NBPF3: variants seen among roughly 807,000 people sequenced by gnomAD.
NBPF3 encodes the protein NBPF member 3, also known as NBPF family member NBPF3.
A neutral mutation model predicts 78.1 loss-of-function variants in NBPF3; 57 were observed. The ratio of observed to expected loss-of-function variants is 0.73; its 90% confidence interval spans 0.59 to 0.91. The LOEUF (loss-of-function observed/expected upper bound fraction) is 0.91. NBPF3 is among the 40% of genes least tolerant of loss of function. NBPF3 has a pLI of 0.00. For missense variants in NBPF3, 510 were observed against 715.3 expected, an observed-to-expected ratio of 0.71 and a Z score of 3.27; for synonymous variants, 182 against 271.7, an observed-to-expected ratio of 0.67 and a Z score of 3.25.
intron 2 of NBPF3, among the ~76,000 whole-genome samples, chr1:21,459,084 TAAAG>T (rs1419962235): frequency 2.0e-5 from 3 of 152,198 alleles, no homozygotes; most frequent in African/African-American, 4.8e-5. Flanking sequence ...TGAGAAAAAT[TAAAG>T]AAGACTAAAT....
At chr1:21,479,292 T>A (rs1643050916) in intron 9 of NBPF3, 57 bp from the exon 10 acceptor site, 7 of 1,554,934 alleles carry the variant, frequency 4.5e-6, no homozygotes, top group Non-Finnish European at 8.8e-7. Context: ...GAGGAATGTT[T>A]CCGTGTGCAA....
Position 21,473,468 on chromosome 1 carries a change from G to A in NBPF3, c.823G>A (p.Glu275Lys), listed in dbSNP as rs1333456741. 6.2e-7 allele frequency: 1 copy of A among 1,614,170 alleles called. No homozygotes were observed. Among genetic ancestry groups the A allele is most frequent in the Non-Finnish European group, 8.5e-7 (1 of 1,180,040 alleles). Residue 275 changes from glutamate (E) to lysine (K), a missense_variant, in exon 7 of 15, where the codon GAG becomes AAG. By Grantham distance (56) the Glu-to-Lys change is moderately conservative. This residue lies in a region of NBPF3 where 440 missense variants were observed against 478.2 expected (regional missense o/e 0.92). Coordinates refer to ENST00000318249, the MANE Select transcript of NBPF3 (RefSeq NM_032264.6). ...ITCSNSHHPCESNQPYGNTRI... is the reference protein window; with the variant it reads ...ITCSNSHHPCKSNQPYGNTRI... ...TTGTTCAAATAGCCACCACCCTTGT[G>A]AGTCCAACCAGCCTTACGGGAACAC...
At chr1:21,456,179 G>A (rs1035292981) in intron 2 of NBPF3, among the ~76,000 whole-genome samples, 1 of 152,140 alleles carries the variant, frequency 6.6e-6, no homozygotes, top group Non-Finnish European at 1.5e-5. Flanking sequence ...TAAGTCCAAA[G>A]TGATCGATCA....
intron 2 of NBPF3, among the ~76,000 whole-genome samples, chr1:21,455,445 C>T (rs1327343884): frequency 1.3e-5 from 2 of 152,222 alleles, no homozygotes; most frequent in Non-Finnish European, 2.9e-5. Context: ...CAGATTTCTG[C>T]TTCTGTCTGT....
upstream of NBPF3, among the ~76,000 whole-genome samples, chr1:21,437,847 CG>C (rs1640456014): frequency 5.7e-5 from 8 of 140,058 alleles, no homozygotes; most frequent in Middle Eastern, 4.0e-3. Context: ...TCTTTTGAGA[CG>C]GAGTTTCACT....
chr1:21,479,199 C>G lies in NBPF3; in HGVS notation c.1157-150C>G. 4 of 838,478 alleles carry G rather than the reference C, an allele frequency of 4.8e-6. No homozygotes were observed. The Admixed American group carries it at 8.1e-5, about 17-fold the overall frequency. 51.9% of individuals were successfully genotyped at this position (838,478 alleles called of 1,614,324 possible). A position where few individuals can be genotyped will look rare whatever the true frequency, so the allele number is the denominator to read the frequency against. On this transcript the variant is annotated intron_variant, in intron 9 of 14. Coordinates refer to ENST00000318249, the MANE Select transcript of NBPF3 (RefSeq NM_032264.6). ...ACCAAGTCAGTTCTCTCAAGACTTG[C>G]CCTCAGGCCTCCTGGTATATTTCTC...
intron 14 of NBPF3, 41 bp from the exon 15 acceptor site, chr1:21,483,102 A>G (rs370414486): frequency 9.1e-5 from 147 of 1,611,044 alleles, no homozygotes; most frequent in Non-Finnish European, 1.2e-4. Flanking sequence ...GTGGTGTCTG[A>G]TTTTCCCTGG....
chr1:21,447,701 T>G (rs1171564259), intron 2 of NBPF3, among the ~76,000 whole-genome samples: 1 of 152,260 alleles, frequency 6.6e-6, no homozygotes, highest in African/African-American at 2.4e-5. Flanking sequence ...TGAATAAAAT[T>G]GCTGTAAGTA....
At chr1:21,467,378 A>C (rs867660834) in intron 2 of NBPF3, 1 of 969,124 alleles carries the variant, frequency 1.0e-6, no homozygotes. Flanking sequence ...GGCTCACAAA[A>C]CCTAGGTGGG....
intron 12 of NBPF3, among the ~76,000 whole-genome samples, chr1:21,481,315 C>T (rs1643212924): frequency 6.6e-6 from 1 of 151,242 alleles, no homozygotes; most frequent in African/African-American, 2.4e-5. Flanking sequence ...GGCACTAACT[C>T]AGAGTGTCCT....
intron 4 of NBPF3, 137 bp from the exon 5 acceptor site, chr1:21,471,432 C>A: frequency 7.1e-7 from 1 of 1,400,370 alleles, no homozygotes; most frequent in Non-Finnish European, 9.8e-7. Flanking sequence ...TGGGCACAGA[C>A]ATTTCTTTAA....
chr1:21,472,840 C>T lies in NBPF3; in HGVS notation c.662-3C>T. The stretch of plus-strand genomic sequence containing the variant: ...ATCTGAATGAACACTTCTGTATTTA[C>T]AGAAAATGATGACGATGAGGATGAA... On this transcript the variant is annotated splice_polypyrimidine_tract_variant and splice_region_variant and intron_variant, in intron 5 of 14. Transcript: ENST00000318249. 4 of 1,607,578 alleles carry T rather than the reference C, an allele frequency of 2.5e-6. No individual in the cohort carries two copies. In the South Asian group the frequency reaches 3.3e-5, roughly 13 times the overall value.
At chr1:21,440,121 AGGCGC>A (rs1640529301), upstream of NBPF3, 1 of 152,086 alleles carries the variant, frequency 6.6e-6, no homozygotes, top group Admixed American at 6.5e-5. Context: ...CTGCAGGCGC[AGGCGC>A]AGGCGCAGGC....
chr1:21,480,188 A>G lies in NBPF3; in HGVS notation c.1346A>G (p.Gln449Arg). ...QPYRSDFYSL[Q>R]EQHLGLALDL... ...TACAGAAGTGACTTTTACTCATTGC[A>G]GGAACAACACCTTGGCTTGGCTCTT... The change falls in exon 11 of 15, where the codon CAG becomes CGG. Residue 449 changes from glutamine to arginine, a missense_variant. Transcript: ENST00000318249. 2.4e-6 allele frequency: 3 copies of G among 1,240,034 alleles called. 1 individual carries two copies. Among genetic ancestry groups the G allele is most frequent in the Non-Finnish European group, 3.4e-6 (3 of 872,376 alleles). 76.8% of individuals were successfully genotyped at this position (1,240,034 alleles called of 1,614,324 possible). A position where few individuals can be genotyped will look rare whatever the true frequency, so the allele number is the denominator to read the frequency against.
intron 2 of NBPF3, 26 bp from the exon 3 acceptor site, chr1:21,468,662 C>A: frequency 1.2e-6 from 2 of 1,611,470 alleles, no homozygotes; most frequent in South Asian, 2.2e-5. Context: ...TTTAACCCAT[C>A]GTGTGTTTGG....
Position 21,450,548 on chromosome 1 carries a change from A to G in NBPF3, c.133+5329A>G, listed in dbSNP as rs972842499. On this transcript the variant is annotated intron_variant, in intron 2 of 14. Coordinates refer to ENST00000318249, the MANE Select transcript of NBPF3 (RefSeq NM_032264.6). Reference sequence around the variant, plus strand: ...AACAGGCTTTAGAGACAAGGGTGTGACATATGTGGGGACCATTTCAGAAAT... The same window carrying G: ...AACAGGCTTTAGAGACAAGGGTGTGGCATATGTGGGGACCATTTCAGAAAT... 2.6e-5 allele frequency among the ~76,000 whole-genome samples: 4 copies of G among 152,188 alleles called. No homozygotes were observed. The East Asian group carries it at 7.7e-4, about 29-fold the overall frequency.
At chr1:21,454,327 TAAACTC>T (rs1332590787) in intron 2 of NBPF3, 2 of 152,116 alleles carry the variant, frequency 1.3e-5, no homozygotes, top group Non-Finnish European at 2.9e-5. Flanking sequence ...CTTTTACTGA[TAAACTC>T]AATAGTTCTG....
upstream of NBPF3, among the ~76,000 whole-genome samples, chr1:21,436,981 G>C (rs1640438795): frequency 6.6e-6 from 1 of 152,180 alleles, no homozygotes; most frequent in African/African-American, 2.4e-5. The surrounding 1 kb of genome is among the most constrained non-coding windows in gnomAD (Gnocchi z 4.3). Flanking sequence ...GGATCCCCAA[G>C]GAGGTGGCCG....
intron 2 of NBPF3, chr1:21,453,761 C>T (rs1222525709): frequency 6.6e-6 from 1 of 152,202 alleles, no homozygotes; most frequent in Non-Finnish European, 1.5e-5. Context: ...CTGATGGAGT[C>T]ACCATAGTGG....
Sources: allele counts gnomAD v4.1 joint callset (sites outside exome capture counted in the v4.1 genomes callset), GRCh38; gene constraint gnomAD v4.1.1; regional missense constraint gnomAD v4.1.1; non-coding constraint Gnocchi (gnomAD v3.1); transcripts MANE v1.5; gene names NCBI Gene and HGNC (gene_info 2026-07-23, HGNC 2026-07-21).